RBFOX1: variants seen among roughly 807,000 people sequenced by gnomAD.
The protein encoded by RBFOX1 is RNA binding fox-1 homolog 1.
In RBFOX1, 8 loss-of-function variants were observed where a neutral mutation model predicts 57.7. The ratio of observed to expected loss-of-function variants is 0.14; its 90% CI spans 0.08 to 0.25. The LOEUF (loss-of-function observed/expected upper bound fraction) is 0.25, where lower values mean the gene tolerates loss of function less well. RBFOX1 is among the 10% of genes least tolerant of loss of function. RBFOX1 has a pLI of 1.00. For missense variants in RBFOX1, 611 were observed against 548.5 expected, an observed-to-expected ratio of 1.11 and a Z score of -1.14; for synonymous variants, 326 against 222.4, an observed-to-expected ratio of 1.47 and a Z score of -4.15.
At chr16:7,089,627 G>A (rs912192124) in intron 4 of RBFOX1, among the ~76,000 whole-genome samples, 1 of 152,134 alleles carries the variant, frequency 6.6e-6, no homozygotes, top group Non-Finnish European at 1.5e-5. Flanking sequence ...TATGAAGTTT[G>A]TTAGCTCTTA....
At chr16:6,683,657 A>G (rs890741920) in intron 3 of RBFOX1, among the ~76,000 whole-genome samples, 10 of 152,262 alleles carry the variant, frequency 6.6e-5, no homozygotes, top group Non-Finnish European at 1.2e-4. Flanking sequence ...GGCTCATACC[A>G]GGTTTAAGGC....
At chr16:6,924,977 G>C (rs2075273576) in intron 3 of RBFOX1, among the ~76,000 whole-genome samples, 1 of 151,116 alleles carries the variant, frequency 6.6e-6, no homozygotes, top group East Asian at 2.0e-4. Context: ...TGAGAATGAT[G>C]GTTTCCAGTT....
intron 3 of RBFOX1, among the ~76,000 whole-genome samples, chr16:6,967,966 G>A (rs1035649466): frequency 7.2e-5 from 11 of 152,280 alleles, no homozygotes; most frequent in Admixed American, 3.9e-4. Context: ...CGCTCGGGGA[G>A]AGAGGTTGGC....
At chr16:5,701,712 G>GTGGTGGC (rs2151483229) in intron 3 of RBFOX1, among the ~76,000 whole-genome samples, 1 of 152,280 alleles carries the variant, frequency 6.6e-6, no homozygotes, top group African/African-American at 2.4e-5. Context: ...GGGACTACAG[G>GTGGTGGC]TGTGAGCCAC....
chr16:6,388,329 C>CGG (rs2092412909), intron 2 of RBFOX1, among the ~76,000 whole-genome samples: 2 of 151,922 alleles, frequency 1.3e-5, no homozygotes, highest in Non-Finnish European at 2.9e-5. Context: ...CTGTTTGCAG[C>CGG]CATTTTGGCA....
At chr16:7,172,121 T>C (rs1291497322) in intron 4 of RBFOX1, among the ~76,000 whole-genome samples, 1 of 152,188 alleles carries the variant, frequency 6.6e-6, no homozygotes. Context: ...ACATCCCAAT[T>C]AGATAAGTTA....
intron 1 of RBFOX1, among the ~76,000 whole-genome samples, chr16:5,388,956 C>T (rs1486257203): frequency 6.6e-6 from 1 of 151,430 alleles, no homozygotes; most frequent in Non-Finnish European, 1.5e-5. Flanking sequence ...CTTTGGGAGG[C>T]CGAGGTGGGC....
intron 4 of RBFOX1, among the ~76,000 whole-genome samples, chr16:7,476,304 C>A (rs1380328774): frequency 2.6e-5 from 4 of 152,222 alleles, no homozygotes; most frequent in Non-Finnish European, 1.5e-5. Context: ...TTCTTACCCT[C>A]ACAATTACAA....
At chr16:6,486,030 C>G (rs1567396629) in intron 2 of RBFOX1, among the ~76,000 whole-genome samples, 1 of 135,274 alleles carries the variant, frequency 7.4e-6, no homozygotes, top group African/African-American at 2.9e-5. Flanking sequence ...TTTTTTTTTC[C>G]TCTCTCTACT....
intron 5 of RBFOX1, among the ~76,000 whole-genome samples, chr16:7,548,204 A>G (rs145021515): frequency 1.3e-5 from 2 of 152,280 alleles, no homozygotes; most frequent in Non-Finnish European, 2.9e-5. Flanking sequence ...AGAGAGTCCC[A>G]TCTGTCACCC....
chr16:5,389,358 G>C (rs1471618818), intron 1 of RBFOX1, among the ~76,000 whole-genome samples: 1 of 152,112 alleles, frequency 6.6e-6, no homozygotes, highest in African/African-American at 2.4e-5. Flanking sequence ...TTTGGGGCTG[G>C]ATCATTCTGT....
At chr16:5,909,644 C>T (rs1316362156) in intron 4 of RBFOX1, among the ~76,000 whole-genome samples, 1 of 152,166 alleles carries the variant, frequency 6.6e-6, no homozygotes, top group Non-Finnish European at 1.5e-5. Flanking sequence ...TCCTGGGCAT[C>T]TCTACCTGAG....
intron 3 of RBFOX1, among the ~76,000 whole-genome samples, chr16:6,926,334 A>T (rs1369461125): frequency 1.3e-5 from 2 of 152,056 alleles, no homozygotes; most frequent in Non-Finnish European, 2.9e-5. Context: ...AAAAACCCTT[A>T]TTTGGCAGTG....
rs59921108 is a variant in RBFOX1, at chr16:7,046,603, C to CTT, written c.-15-5432_-15-5431dup. 5.8e-4 allele frequency among the ~76,000 whole-genome samples: 49 copies of CTT among 84,976 alleles called. No homozygotes were observed. The South Asian group carries it at 9.6e-3, about 17-fold the overall frequency. 55.7% of individuals were successfully genotyped at this position (84,976 alleles called of 152,430 possible). ...TGTTTCTGTAGTCTTTGTGTTTTAT[C>CTT]TTTTTTTTTTTTTTTTTTTTTTTGG... is the stretch of plus-strand genomic sequence containing the variant. On this transcript the variant is annotated intron_variant, in intron 3 of 15. Transcript: ENST00000550418.
chr16:6,638,031 C>T (rs8056350), intron 2 of RBFOX1, among the ~76,000 whole-genome samples: 85,401 of 151,706 alleles, frequency 0.56, 25,670 homozygotes, highest in South Asian at 0.82. Flanking sequence ...ACTGAAGTAT[C>T]TAAGACACCT....
chr16:5,558,136 G>C (rs1363096684), intron 2 of RBFOX1, among the ~76,000 whole-genome samples: 1 of 152,130 alleles, frequency 6.6e-6, no homozygotes, highest in South Asian at 2.1e-4. Flanking sequence ...CCCAGCCCAG[G>C]TGTGATCCAA....
At chr16:6,892,775 CCTCTCT>C (rs750285832) in intron 3 of RBFOX1, among the ~76,000 whole-genome samples, 1,860 of 84,310 alleles carry the variant, frequency 0.022, 12 homozygotes, top group Admixed American at 0.026. Context: ...TCCCTGTCTC[CCTCTCT>C]CTCTCTCTCT....
chr16:6,243,841 A>G (rs1312967806), intron 1 of RBFOX1, among the ~76,000 whole-genome samples: 1 of 152,178 alleles, frequency 6.6e-6, no homozygotes, highest in Admixed American at 6.5e-5. Flanking sequence ...GCCTGAGATG[A>G]AAGACCATCC....
chr16:7,241,123 G>C (rs111440549), intron 4 of RBFOX1, among the ~76,000 whole-genome samples: 4 of 152,240 alleles, frequency 2.6e-5, no homozygotes, highest in African/African-American at 9.6e-5. Context: ...CTTGAGACCC[G>C]AGGCAGAAGT....
Sources: gnomAD v4.1 joint callset for allele counts (sites outside exome capture counted in the v4.1 genomes callset) on GRCh38, gnomAD v4.1.1 for gene constraint, MANE v1.5 for transcripts, NCBI Gene and HGNC (gene_info 2026-07-23, HGNC 2026-07-21) for gene names.